The following HEATR5A variants were observed in gnomAD, a reference collection of about 807,000 sequenced individuals.
HEATR5A encodes HEAT repeat containing 5A.
A neutral mutation model predicts 218.8 loss-of-function variants in HEATR5A; 178 were observed. The observed-to-expected ratio is 0.81, with a 90% CI of 0.72 to 0.92. The LOEUF is 0.92. Among genes scored for constraint, HEATR5A ranks in the 40% least tolerant of loss-of-function variants. The pLI is 0.00. For missense variants in HEATR5A, 2,420 were observed against 2,418.9 expected (o/e 1.00, Z -0.01); for synonymous variants, 864 against 871.6 (o/e 0.99, Z 0.15).
intron 19 of HEATR5A, among the ~76,000 whole-genome samples, chr14:31,345,587 A>AAAAGTT (rs1362199006): frequency 2.0e-5 from 3 of 152,256 alleles, no homozygotes; most frequent in Non-Finnish European, 4.4e-5. Context: ...TTTTAAAAAG[A>AAAAGTT]TTCAACAAAA....
intron 1 of HEATR5A, among the ~76,000 whole-genome samples, chr14:31,407,604 A>ATATATT (rs1555372425): frequency 0.034 from 49 of 1,422 alleles, no homozygotes; most frequent in African/African-American, 0.053. Context: ...ATATATATAT[A>ATATATT]TATATATATA....
At chr14:31,353,113 A>T (rs919801443) in intron 16 of HEATR5A, among the ~76,000 whole-genome samples, 5 of 152,042 alleles carry the variant, frequency 3.3e-5, no homozygotes, top group East Asian at 1.9e-4. Flanking sequence ...AAAAAAAAAT[A>T]AAATTTACCC....
chr14:31,390,287 C>T (rs921442176), intron 6 of HEATR5A, among the ~76,000 whole-genome samples: 8 of 151,928 alleles, frequency 5.3e-5, no homozygotes, highest in African/African-American at 1.5e-4. Flanking sequence ...AAATGAGGTG[C>T]CAGTGGAAGA....
intron 28 of HEATR5A, 29 bp downstream of exon 28, chr14:31,312,939 G>T (rs756857305): frequency 6.6e-7 from 1 of 1,504,294 alleles, no homozygotes; most frequent in East Asian, 2.3e-5. Context: ...TGTCACTCTA[G>T]GAATTATCTA....
At chr14:31,408,983 A>G (rs1323939258) in intron 1 of HEATR5A, among the ~76,000 whole-genome samples, 1 of 8,620 alleles carries the variant, frequency 1.2e-4, no homozygotes, top group Non-Finnish European at 1.8e-3. Flanking sequence ...TGAACCCGGG[A>G]GGCGGAGCTT....
At chr14:31,401,547 T>C (rs922192975) in intron 2 of HEATR5A, among the ~76,000 whole-genome samples, 2 of 152,230 alleles carry the variant, frequency 1.3e-5, no homozygotes, top group African/African-American at 2.4e-5. Context: ...GGTCATACTA[T>C]GTTGCCTGGG....
At chr14:31,409,656 C>T (rs1046865470) in intron 1 of HEATR5A, among the ~76,000 whole-genome samples, 26 of 152,066 alleles carry the variant, frequency 1.7e-4, no homozygotes, top group Admixed American at 8.5e-4. Flanking sequence ...GCCAAGATCG[C>T]GCCACTGCAC....
At position 31,292,575 on chromosome 14, in the gene HEATR5A, A is replaced by T. The variant is rs1174119717; in HGVS notation, c.*730T>A. On this transcript the variant is annotated 3_prime_UTR_variant, in exon 36 of 36. Coordinates refer to ENST00000543095, the MANE Select transcript of HEATR5A (RefSeq NM_015473.4). The stretch of plus-strand genomic sequence containing the variant: ...AGAAAGTTTAATACAATTACTGAAT[A>T]AGGCAGAATTTTTTTTTTTTTTTTT... 6.6e-6 allele frequency: 1 copy of T among 151,842 alleles called. No homozygotes were observed. The allele number at this position is 151,842 out of a possible 1,614,324, so 9.4% of individuals were successfully genotyped here. A position where few individuals can be genotyped will look rare whatever the true frequency, so the allele number is the denominator to read the frequency against.
At chr14:31,346,748 TAG>T (rs1167485297) in intron 19 of HEATR5A, among the ~76,000 whole-genome samples, 5 of 152,240 alleles carry the variant, frequency 3.3e-5, no homozygotes, top group Middle Eastern at 3.4e-3. Context: ...GCCTTATATC[TAG>T]AGAGAGTTCG....
chr14:31,358,890 A>AT lies in HEATR5A; in HGVS notation c.2235+3dup. On this transcript the variant is annotated splice_donor_region_variant and intron_variant, in intron 15 of 35. Transcript: ENST00000543095. Reference sequence around the variant, plus strand: ...ATCTAATCAAGAGTAAAAAATGGCCATACCTGTTCTTCAATAAATCTATGG... The same window carrying AT: ...ATCTAATCAAGAGTAAAAAATGGCCATTACCTGTTCTTCAATAAATCTATGG... 6.3e-7 allele frequency: 1 copy of AT among 1,597,244 alleles called. No homozygotes were observed. Among genetic ancestry groups the AT allele is most frequent in the South Asian group, 1.1e-5 (1 of 88,348 alleles).
intron 7 of HEATR5A, among the ~76,000 whole-genome samples, chr14:31,387,894 C>T (rs914737125): frequency 1.3e-5 from 2 of 152,170 alleles, no homozygotes; most frequent in Non-Finnish European, 2.9e-5. Flanking sequence ...GACTTCATTT[C>T]TGTTACCCTC....
In HEATR5A at chr14:31,383,720, C is replaced by T. The variant is rs200562122; in HGVS notation, c.1397G>A (p.Arg466Gln). 1.9e-4 allele frequency: 299 copies of T among 1,613,370 alleles called. No homozygotes were observed. Among genetic ancestry groups the T allele is most frequent in the Middle Eastern group, 3.3e-4 (2 of 6,084 alleles). ...GTGTAAACACCAAGCTGCTGCTAGT[C>T]GAACAGAAATGCTAGGATGAAGAAT... ...SVILHPSISV[R>Q]LAAAWCLHCI... is the part of the protein sequence containing the mutation. Residue 466 changes from arginine (R) to glutamine (Q), a missense_variant, in exon 10 of 36, where the codon CGA becomes CAA. Arg to Gln is a conservative substitution (Grantham distance 43). Coordinates refer to ENST00000543095, the MANE Select transcript of HEATR5A (RefSeq NM_015473.4).
At chr14:31,373,652 T>C (rs1260773396) in intron 12 of HEATR5A, among the ~76,000 whole-genome samples, 1 of 152,132 alleles carries the variant, frequency 6.6e-6, no homozygotes, top group African/African-American at 2.4e-5. Context: ...TTTAACAGTC[T>C]ACATATTGTA....
At chr14:31,305,272 T>C in intron 31 of HEATR5A, 95 bp from the exon 32 acceptor site, 7 of 1,326,124 alleles carry the variant, frequency 5.3e-6, no homozygotes, top group Non-Finnish European at 6.2e-6. Context: ...ACATGTATTT[T>C]ATTTTTTTGA....
rs769280103 is a variant in HEATR5A, at chr14:31,308,031, C to CA, written c.4691-12dup. 4.4e-6 allele frequency: 7 copies of CA among 1,578,682 alleles called. No individual in the cohort carries two copies. In the Admixed American group the frequency reaches 6.0e-5, roughly 14 times the overall value. ...ATTCCACGCTGATTCCTGTGGAAAGCAAAAAAAGAGGAGGAGGCTTCTTTC... is the reference window on the plus strand; with the variant it reads ...ATTCCACGCTGATTCCTGTGGAAAGCAAAAAAAAGAGGAGGAGGCTTCTTTC... On this transcript the variant is annotated splice_polypyrimidine_tract_variant and intron_variant, in intron 29 of 35. Coordinates refer to ENST00000543095, the MANE Select transcript of HEATR5A (RefSeq NM_015473.4).
At chr14:31,408,215 A>G (rs1364666927) in intron 1 of HEATR5A, among the ~76,000 whole-genome samples, 1 of 152,220 alleles carries the variant, frequency 6.6e-6, no homozygotes, top group African/African-American at 2.4e-5. Flanking sequence ...GGTAACATCC[A>G]AATTATGCTT....
At position 31,388,996 on chromosome 14, in the gene HEATR5A, C is replaced by CG; in HGVS notation, c.781dup (p.Arg261ProfsTer43). ...CAAAGATACTCTGCGAATGCTTTGA[C>CG]GTGAGGCTGCTATGACAAAGAACAA... On this transcript the variant is annotated frameshift_variant, in exon 7 of 36. Coordinates refer to ENST00000543095, the MANE Select transcript of HEATR5A (RefSeq NM_015473.4). LOFTEE classifies it high-confidence loss of function. The CG allele has an allele frequency of 1.2e-6, 2 of 1,609,860 alleles. No homozygotes were observed. The highest frequency in any genetic ancestry group is 1.7e-6 in the Non-Finnish European group (2 of 1,177,724).
intron 1 of HEATR5A, among the ~76,000 whole-genome samples, chr14:31,414,865 G>C (rs985665776): frequency 1.3e-5 from 2 of 152,204 alleles, no homozygotes; most frequent in South Asian, 2.1e-4. Flanking sequence ...GTTTGTGACA[G>C]AGTCTCACTC....
chr14:31,347,298 G>C (rs1027629844), intron 19 of HEATR5A, among the ~76,000 whole-genome samples: 1 of 152,192 alleles, frequency 6.6e-6, no homozygotes, highest in Non-Finnish European at 1.5e-5. Context: ...GGCAACCTCT[G>C]TCTCCCCGGC....
Sources: gnomAD v4.1 joint callset for allele counts (sites outside exome capture counted in the v4.1 genomes callset) on GRCh38, gnomAD v4.1.1 for gene constraint, MANE v1.5 for transcripts, NCBI Gene and HGNC (gene_info 2026-07-23, HGNC 2026-07-21) for gene names.